RBFOX3: variants seen among roughly 807,000 people sequenced by gnomAD.
RBFOX3 encodes the protein RNA binding fox-1 homolog 3, also known as RNA binding protein fox-1 homolog 3.
A neutral mutation model predicts 48.7 loss-of-function variants in RBFOX3; 17 were observed. That is an observed-to-expected ratio of 0.35 (90% CI 0.24 to 0.52). The LOEUF (loss-of-function observed/expected upper bound fraction) is 0.52. RBFOX3 is among the 20% of genes least tolerant of loss of function. RBFOX3 has a pLI of 0.94. For missense variants in RBFOX3, 382 were observed against 497.5 expected, an observed-to-expected ratio of 0.77 and a Z score of 2.21; for synonymous variants, 212 against 209.5, an observed-to-expected ratio of 1.01 and a Z score of -0.10.
chr17:79,632,958 TGAAA>T, the RBFOX3 span, among the ~76,000 whole-genome samples: 4 of 152,136 alleles, frequency 2.6e-5, no homozygotes, highest in African/African-American at 9.7e-5. Flanking sequence ...CAGGGGACAC[TGAAA>T]GAGAGATGGG....
At position 79,482,197 on chromosome 17, in the gene RBFOX3, C is replaced by G. The variant is rs1339172468; in HGVS notation, c.-175+257G>C. On this transcript the variant is annotated intron_variant, in intron 2 of 14. Coordinates refer to ENST00000693108, the MANE Select transcript of RBFOX3 (RefSeq NM_001350451.2). The surrounding 1 kb of genome is among the most constrained non-coding windows in gnomAD (Gnocchi z 4.1). The stretch of plus-strand genomic sequence containing the variant: ...ACCCTCCTTCCAGGACTAACTGCCC[C>G]GCAGCCAGGCTGATGGGCTTCGAGG... Among the ~76,000 whole-genome samples, 4 of 152,098 alleles carry G rather than the reference C, an allele frequency of 2.6e-5. No individual in the cohort carries two copies. Among genetic ancestry groups the G allele is most frequent in the Non-Finnish European group, 5.9e-5 (4 of 68,018 alleles).
intron 4 of RBFOX3, among the ~76,000 whole-genome samples, chr17:79,211,919 C>T (rs925371803): frequency 2.6e-5 from 4 of 152,126 alleles, no homozygotes; most frequent in Non-Finnish European, 4.4e-5. Flanking sequence ...CTGCTGGGCA[C>T]GGGGATACGT....
chr17:79,590,331 A>G (rs1352771105), intron 1 of RBFOX3, among the ~76,000 whole-genome samples: 4 of 152,088 alleles, frequency 2.6e-5, no homozygotes, highest in South Asian at 2.1e-4. Flanking sequence ...GACTCCAAGA[A>G]TCCTTCCTAG....
At chr17:79,434,700 C>T (rs2069074819) in intron 2 of RBFOX3, among the ~76,000 whole-genome samples, 1 of 152,130 alleles carries the variant, frequency 6.6e-6, no homozygotes, top group African/African-American at 2.4e-5. Context: ...CAGGCCCAGA[C>T]AATTGTGCAT....
At chr17:79,101,519 C>T in intron 9 of RBFOX3, 65 bp downstream of exon 9, 6 of 1,411,610 alleles carry the variant, frequency 4.3e-6, no homozygotes, top group Non-Finnish European at 4.9e-6. Context: ...GCAGCCTCAG[C>T]TCCCCCAGGG....
At chr17:79,588,230 C>T (rs1568436181) in intron 1 of RBFOX3, among the ~76,000 whole-genome samples, 2 of 152,260 alleles carry the variant, frequency 1.3e-5, no homozygotes, top group Non-Finnish European at 2.9e-5. Context: ...CAGTAATGTT[C>T]ATAAACAAAT....
chr17:79,101,474 G>A (rs891726662), intron 9 of RBFOX3, 110 bp downstream of exon 9: 27 of 985,600 alleles, frequency 2.7e-5, no homozygotes, highest in Admixed American at 1.4e-4. Context: ...CACTGGGGAC[G>A]GAGGCTGCCT....
chr17:79,492,017 G>A (rs1031443830), intron 1 of RBFOX3, among the ~76,000 whole-genome samples: 24 of 152,134 alleles, frequency 1.6e-4, no homozygotes, highest in African/African-American at 4.8e-4. Flanking sequence ...TGGAAATTGC[G>A]GTGAGCCAAG....
rs60345819 is a variant in RBFOX3 at position 79,487,913 on chromosome 17, G to GAAAAAAA, written c.-319-5322_-319-5316dup. Among the ~76,000 whole-genome samples, 30 of 76,908 alleles carry GAAAAAAA rather than the reference G, an allele frequency of 3.9e-4. 3 individuals are homozygous for GAAAAAAA. The highest frequency in any genetic ancestry group is 1.2e-3 in the East Asian group (3 of 2,480). The allele number at this position is 76,908 out of a possible 152,430, so 50.5% of individuals were successfully genotyped here. On this transcript the variant is annotated intron_variant, in intron 1 of 14. Transcript: ENST00000693108. Reference sequence around the variant, plus strand: ...GGTGACAGAGCAAGACCCCATCTCAGAAAAAAAAAAAAAAAAATTCCTGGG... The same window carrying GAAAAAAA: ...GGTGACAGAGCAAGACCCCATCTCAGAAAAAAAAAAAAAAAAAAAAAAAATTCCTGGG...
chr17:79,280,055 G>A (rs2069895436), intron 3 of RBFOX3, among the ~76,000 whole-genome samples: 1 of 152,078 alleles, frequency 6.6e-6, no homozygotes, highest in East Asian at 1.9e-4. Flanking sequence ...ACCCCTATGG[G>A]AAGAGCGAAG....
chr17:79,178,736 A>G (rs2051170610), intron 4 of RBFOX3, among the ~76,000 whole-genome samples: 1 of 152,262 alleles, frequency 6.6e-6, no homozygotes, highest in East Asian at 1.9e-4. Context: ...CGTGGCTCAA[A>G]GCAAGGACCA....
At chr17:79,348,184 GT>G (rs2083228255) in intron 2 of RBFOX3, among the ~76,000 whole-genome samples, 1 of 152,202 alleles carries the variant, frequency 6.6e-6, no homozygotes, top group Non-Finnish European at 1.5e-5. Context: ...GACTGCTGGG[GT>G]CAGGTGGGCT....
In RBFOX3 at chr17:79,230,636, G is replaced by C. The variant is rs138147385; in HGVS notation, c.-34+5130C>G. 8.0e-3 allele frequency among the ~76,000 whole-genome samples: 1,225 copies of C among 152,268 alleles called. 19 individuals are homozygous for C. Among genetic ancestry groups the C allele is most frequent in the African/African-American group, 0.028 (1,174 of 41,546 alleles). ...TCTTGCTAAGCCTTTCCAGAGCTAAGTTCCGGCTCCTGCAGAGCCCTCATC... is the reference window on the plus strand; with the variant it reads ...TCTTGCTAAGCCTTTCCAGAGCTAACTTCCGGCTCCTGCAGAGCCCTCATC... On this transcript the variant is annotated intron_variant, in intron 4 of 14. Coordinates refer to ENST00000693108, the MANE Select transcript of RBFOX3 (RefSeq NM_001350451.2).
intron 3 of RBFOX3, among the ~76,000 whole-genome samples, chr17:79,292,053 T>A (rs1348372155): frequency 6.6e-6 from 1 of 152,062 alleles, no homozygotes; most frequent in Non-Finnish European, 1.5e-5. Context: ...CTCACCAATT[T>A]ACCCCACCCC....
rs1258171997 is a variant in RBFOX3, at chr17:79,363,723, A to G, written c.-174-55899T>C. Among the ~76,000 whole-genome samples the G allele has an allele frequency of 2.0e-5, 3 of 151,922 alleles. No homozygotes were observed. The highest frequency in any genetic ancestry group is 2.1e-4 in the South Asian group (1 of 4,800). The stretch of plus-strand genomic sequence containing the variant: ...CTCCGACACGCCTCCAGAGCCCCCA[A>G]CACCTCCAGAGCCCTCCAGCCTCCA... On this transcript the variant is annotated intron_variant, in intron 2 of 14. Transcript: ENST00000693108. This position sits in a 1 kb window ranked among gnomAD's most constrained non-coding sequence, Gnocchi z 4.7.
chr17:79,166,278 G>C (rs959641582), intron 4 of RBFOX3, among the ~76,000 whole-genome samples: 1 of 152,186 alleles, frequency 6.6e-6, no homozygotes. Flanking sequence ...TCCCGTGGGA[G>C]GGGAGCCTTG....
intron 2 of RBFOX3, among the ~76,000 whole-genome samples, chr17:79,328,244 G>A (rs1199244990): frequency 6.6e-6 from 1 of 152,182 alleles, no homozygotes; most frequent in Non-Finnish European, 1.5e-5. Flanking sequence ...GCAGGGGCAA[G>A]GACCCCTTTT....
chr17:79,264,376 T>C (rs1026710247), intron 3 of RBFOX3, among the ~76,000 whole-genome samples: 3 of 57,838 alleles, frequency 5.2e-5, no homozygotes, highest in Non-Finnish European at 9.5e-5. Context: ...AAGCCTGGCT[T>C]TTTTTTTTTT....
chr17:79,285,222 C>T (rs899617650), intron 3 of RBFOX3, among the ~76,000 whole-genome samples: 5 of 152,206 alleles, frequency 3.3e-5, no homozygotes, highest in Admixed American at 2.0e-4. Context: ...CACTGAGAAG[C>T]TGTCAGTGGC....
Sources: gnomAD v4.1 joint callset for allele counts (sites outside exome capture counted in the v4.1 genomes callset) on GRCh38, gnomAD v4.1.1 for gene constraint, Gnocchi (gnomAD v3.1) non-coding constraint, MANE v1.5 for transcripts, NCBI Gene and HGNC (gene_info 2026-07-23, HGNC 2026-07-21) for gene names.